The following SHROOM4 variants were observed in gnomAD, a reference collection of about 807,000 sequenced individuals.
SHROOM4 encodes protein Shroom4.
In SHROOM4, 17 loss-of-function variants were observed where a neutral mutation model predicts 80.3. The ratio of observed to expected loss-of-function variants is 0.21; its 90% confidence interval spans 0.14 to 0.32. The LOEUF (loss-of-function observed/expected upper bound fraction) is 0.32, where lower values mean the gene tolerates loss of function less well. SHROOM4 is among the 10% of genes least tolerant of loss of function. SHROOM4 has a pLI of 1.00. For missense variants in SHROOM4, 993 were observed against 1,140.3 expected (o/e 0.87, Z 1.86); for synonymous variants, 400 against 437.5 (o/e 0.91, Z 1.07).
intron 2 of SHROOM4, among the ~76,000 whole-genome samples, chrX:50,685,446 C>G (rs782017277): frequency 9.0e-6 from 1 of 111,655 alleles, no homozygotes; most frequent in Admixed American, 9.5e-5. Flanking sequence ...AGAGGTGAAA[C>G]CTTTGGAAGT....
intron 7 of SHROOM4, 119 bp from the exon 8 acceptor site, chrX:50,598,654 C>T: frequency 1.1e-6 from 1 of 915,872 alleles, no homozygotes; most frequent in South Asian, 2.3e-5. Flanking sequence ...ATCCTAGTCA[C>T]TGGAAACAAA....
At chrX:50,675,497 T>C (rs1932843012) in intron 2 of SHROOM4, among the ~76,000 whole-genome samples, 1 of 110,929 alleles carries the variant, frequency 9.0e-6, no homozygotes, top group African/African-American at 3.3e-5. Flanking sequence ...CCATTAAATG[T>C]GATCAGGAAC....
At chrX:50,655,710 A>C (rs112956414) in intron 2 of SHROOM4, among the ~76,000 whole-genome samples, 1 of 109,649 alleles carries the variant, frequency 9.1e-6, no homozygotes, top group Admixed American at 9.9e-5. Context: ...TATTGTGAAT[A>C]GTACTGTAAT....
chrX:50,652,972 T>C (rs983036903), intron 2 of SHROOM4, among the ~76,000 whole-genome samples: 19 of 111,785 alleles, frequency 1.7e-4, no homozygotes, highest in African/African-American at 5.9e-4. Flanking sequence ...TACTGTAGCC[T>C]TGTAGTATAG....
intron 1 of SHROOM4, among the ~76,000 whole-genome samples, chrX:50,713,765 G>A (rs782048533): frequency 2.7e-4 from 30 of 112,373 alleles, no homozygotes; most frequent in Non-Finnish European, 5.3e-4. Context: ...CATTCAACGT[G>A]TTGTCTCTTC....
chrX:50,653,512 CAG>C (rs1223917258), intron 2 of SHROOM4, among the ~76,000 whole-genome samples: 1 of 111,860 alleles, frequency 8.9e-6, no homozygotes, highest in Non-Finnish European at 1.9e-5. Flanking sequence ...CATCAGCAAA[CAG>C]AGACAATTTG....
intron 1 of SHROOM4, among the ~76,000 whole-genome samples, chrX:50,744,967 CTT>C (rs1299599674): frequency 2.7e-5 from 3 of 111,949 alleles, no homozygotes; most frequent in Non-Finnish European, 5.6e-5. Context: ...AAGCTTCTAT[CTT>C]TTGCCAATGT....
chrX:50,740,773 G>A (rs1477538705), intron 1 of SHROOM4, among the ~76,000 whole-genome samples: 1 of 112,037 alleles, frequency 8.9e-6, no homozygotes, highest in Non-Finnish European at 1.9e-5. Context: ...GAAATTAAAT[G>A]AGAAAATAAC....
chrX:50,784,874 A>T lies in SHROOM4; in HGVS notation c.117+29028T>A, dbSNP rs782217897. On this transcript the variant is annotated intron_variant, in intron 1 of 8. Transcript: ENST00000376020. Reference sequence around the variant, plus strand: ...AAAATATTGGCAAATCTCATATCCAACAAAGGACTTATATCTTGAATAAAA... The same window carrying T: ...AAAATATTGGCAAATCTCATATCCATCAAAGGACTTATATCTTGAATAAAA... 2.7e-5 allele frequency among the ~76,000 whole-genome samples: 3 copies of T among 112,249 alleles called. No homozygotes were observed. In the South Asian group the frequency reaches 1.1e-3, roughly 41 times the overall value.
intron 1 of SHROOM4, among the ~76,000 whole-genome samples, chrX:50,812,308 T>G (rs1936350196): frequency 3.4e-5 from 2 of 59,345 alleles, no homozygotes; most frequent in African/African-American, 6.8e-5. Flanking sequence ...AGGAGTTGAG[T>G]GTTTTTGTTA....
At chrX:50,679,824 G>A (rs1274278946) in intron 2 of SHROOM4, among the ~76,000 whole-genome samples, 6 of 111,263 alleles carry the variant, frequency 5.4e-5, no homozygotes, top group East Asian at 2.8e-4. Flanking sequence ...TTTATTAACC[G>A]ACAAAAATCA....
chrX:50,729,288 G>C (rs1331317198), intron 1 of SHROOM4, among the ~76,000 whole-genome samples: 12 of 110,654 alleles, frequency 1.1e-4, no homozygotes, highest in Non-Finnish European at 5.7e-5. Flanking sequence ...AGAAAAGTAT[G>C]ATAAAAATTC....
rs542030814 is a variant in SHROOM4, at chrX:50,749,473, T to C, written c.118-53536A>G. Reference sequence around the variant, plus strand: ...GGGTCACAGTTTAGTAGTAGAGAGATATCTTCATAGATAATTTACTCCCTG... The same window carrying C: ...GGGTCACAGTTTAGTAGTAGAGAGACATCTTCATAGATAATTTACTCCCTG... On this transcript the variant is annotated intron_variant, in intron 1 of 8. Transcript: ENST00000376020. Among the ~76,000 whole-genome samples the C allele has an allele frequency of 3.8e-4, 42 of 111,794 alleles. 1 individual carries two copies. Among genetic ancestry groups the C allele is most frequent in the Middle Eastern group, 4.6e-3 (1 of 218 alleles).
At chrX:50,717,142 G>A (rs782084205) in intron 1 of SHROOM4, among the ~76,000 whole-genome samples, 1 of 112,156 alleles carries the variant, frequency 8.9e-6, no homozygotes, top group Admixed American at 9.4e-5. Flanking sequence ...ATCCATCTCA[G>A]AGAAAGGGTG....
At chrX:50,790,135 C>G (rs979292498) in intron 1 of SHROOM4, among the ~76,000 whole-genome samples, 4 of 111,791 alleles carry the variant, frequency 3.6e-5, no homozygotes, top group African/African-American at 9.7e-5. Flanking sequence ...CATAAGTGGT[C>G]TGTCATTGAT....
At chrX:50,609,692 T>TGCGC (rs58411066) in intron 5 of SHROOM4, among the ~76,000 whole-genome samples, 1 of 107,513 alleles carries the variant, frequency 9.3e-6, no homozygotes, top group South Asian at 4.1e-4. Flanking sequence ...TGTGTGTGTG[T>TGCGC]ATAATTTTAA....
At chrX:50,783,988 G>A (rs782121433) in intron 1 of SHROOM4, among the ~76,000 whole-genome samples, 1 of 112,749 alleles carries the variant, frequency 8.9e-6, no homozygotes. Context: ...TAAAGCTACA[G>A]TAATCAAGAC....
intron 8 of SHROOM4, 143 bp downstream of exon 8, chrX:50,598,123 G>A: frequency 1.2e-6 from 1 of 822,269 alleles, no homozygotes; most frequent in East Asian, 3.3e-5. Context: ...ACAGACATGA[G>A]CCACCGTGCC....
chrX:50,578,132 CAA>C, the SHROOM4 span, among the ~76,000 whole-genome samples: 1 of 111,526 alleles, frequency 9.0e-6, no homozygotes, highest in Non-Finnish European at 1.9e-5. Context: ...ATAAACTTCT[CAA>C]AGTTTCCAGA....
Sources: allele counts gnomAD v4.1 joint callset (sites outside exome capture counted in the v4.1 genomes callset), GRCh38; gene constraint gnomAD v4.1.1; transcripts MANE v1.5; gene names NCBI Gene and HGNC (gene_info 2026-07-23, HGNC 2026-07-21).